The following ARHGEF7 variants were observed in gnomAD, a reference collection of about 807,000 sequenced individuals.
ARHGEF7 encodes Rho guanine nucleotide exchange factor 7.
ARHGEF7 carries 33 observed loss-of-function variants against 109.8 expected under a neutral mutation model. The ratio of observed to expected loss-of-function variants is 0.30; its 90% CI spans 0.23 to 0.40. The LOEUF is 0.40. Among genes scored for constraint, ARHGEF7 ranks in the 10% least tolerant of loss-of-function variants. The pLI, the probability that ARHGEF7 is intolerant of heterozygous loss-of-function variation, is 1.00. For synonymous variants in ARHGEF7, 458 were observed against 424.6 expected (o/e 1.08, Z -0.97); for missense variants, 938 against 1,098.5 (o/e 0.85, Z 2.07).
intron 8 of ARHGEF7, among the ~76,000 whole-genome samples, chr13:111,254,348 G>A (rs919760447): frequency 1.3e-5 from 2 of 152,236 alleles, no homozygotes; most frequent in African/African-American, 4.8e-5. Flanking sequence ...AGTTGTTTGA[G>A]AGGATATGGG....
intron 21 of ARHGEF7, among the ~76,000 whole-genome samples, chr13:111,302,602 C>G (rs2093595161): frequency 6.6e-6 from 1 of 152,218 alleles, no homozygotes; most frequent in South Asian, 2.1e-4. Flanking sequence ...CGCCCACTTG[C>G]TCCTGCACCT....
At chr13:111,161,019 G>A (rs2076700764) in intron 2 of ARHGEF7, among the ~76,000 whole-genome samples, 3 of 152,148 alleles carry the variant, frequency 2.0e-5, no homozygotes, top group South Asian at 4.1e-4. Flanking sequence ...GAAATTCTTT[G>A]AGTACCAATG....
intron 12 of ARHGEF7, chr13:111,275,882 C>A: frequency 1.7e-6 from 1 of 594,068 alleles, no homozygotes; most frequent in Non-Finnish European, 2.9e-6. Flanking sequence ...ACTTGTTGAT[C>A]AGTTTGATCC....
At chr13:111,221,228 TATATAG>T (rs1342580228) in intron 5 of ARHGEF7, among the ~76,000 whole-genome samples, 1 of 57,416 alleles carries the variant, frequency 1.7e-5, no homozygotes, top group Non-Finnish European at 3.3e-5. Flanking sequence ...TATATATATC[TATATAG>T]ATATATATGT....
rs1284161301 is a variant in ARHGEF7 at position 111,217,788 on chromosome 13, C to A, written c.578C>A (p.Thr193Asn). 27 of 1,614,224 alleles carry A rather than the reference C, an allele frequency of 1.7e-5. No individual in the cohort carries two copies. Among genetic ancestry groups the A allele is most frequent in the Non-Finnish European group, 2.3e-5 (27 of 1,180,040 alleles). The change falls in exon 5 of 22, where the codon ACC (threonine) becomes AAC (asparagine). Residue 193 changes from threonine (T) to asparagine (N), a missense_variant. Around this residue, in one of 4 missense-constraint regions of ARHGEF7, gnomAD observed 585 missense variants for 723.6 expected, o/e 0.81. Transcript: ENST00000646102. ...TCAAAAGGAGACGTCATCCATGTCA[C>A]CCGTGTGGAAGAGGGAGGCTGGTGG... Reference protein sequence around the residue: ...SFSKGDVIHVTRVEEGGWWEG... With the variant: ...SFSKGDVIHVNRVEEGGWWEG...
chr13:111,241,872 T>A (rs1395391479), intron 6 of ARHGEF7, among the ~76,000 whole-genome samples: 1 of 152,238 alleles, frequency 6.6e-6, no homozygotes, highest in African/African-American at 2.4e-5. Context: ...GAAAAGGACT[T>A]TTCTGATACG....
At chr13:111,234,471 T>G (rs2086521896) in intron 6 of ARHGEF7, among the ~76,000 whole-genome samples, 1 of 152,212 alleles carries the variant, frequency 6.6e-6, no homozygotes, top group African/African-American at 2.4e-5. Context: ...GGATGCACAG[T>G]GAACAGAATG....
At chr13:111,246,532 A>T (rs1313196871) in intron 8 of ARHGEF7, among the ~76,000 whole-genome samples, 2 of 152,234 alleles carry the variant, frequency 1.3e-5, no homozygotes, top group Non-Finnish European at 2.9e-5. Flanking sequence ...GGAAAGCTGA[A>T]TGCCAGAGTA....
chr13:111,218,849 GA>G (rs1161846915), intron 5 of ARHGEF7, among the ~76,000 whole-genome samples: 6 of 151,950 alleles, frequency 3.9e-5, no homozygotes. Context: ...AAGGTAGCAA[GA>G]AAAAAAGATT....
chr13:111,276,250 G>A (rs1314653062), intron 12 of ARHGEF7, among the ~76,000 whole-genome samples: 5 of 152,134 alleles, frequency 3.3e-5, no homozygotes, highest in South Asian at 4.1e-4. Context: ...CACTGAACAG[G>A]CACCTCTTTC....
At chr13:111,291,535 G>C (rs2093285058) in intron 18 of ARHGEF7, among the ~76,000 whole-genome samples, 1 of 152,244 alleles carries the variant, frequency 6.6e-6, no homozygotes, top group Non-Finnish European at 1.5e-5. Context: ...TCTCACAGTG[G>C]TTATTGATTG....
chr13:111,122,408 C>G (rs1001903348), intron 1 of ARHGEF7, among the ~76,000 whole-genome samples: 1 of 152,304 alleles, frequency 6.6e-6, no homozygotes, highest in East Asian at 1.9e-4. Context: ...CTTCTCCCTC[C>G]TTTATCAGTT....
chr13:111,288,745 C>T (rs1035412344), intron 18 of ARHGEF7, among the ~76,000 whole-genome samples: 4 of 152,162 alleles, frequency 2.6e-5, no homozygotes, highest in East Asian at 1.9e-4. Flanking sequence ...TAAGAGAAGA[C>T]GTGTTTAGAA....
At chr13:111,259,898 A>G (rs1233211197) in intron 8 of ARHGEF7, among the ~76,000 whole-genome samples, 1 of 152,220 alleles carries the variant, frequency 6.6e-6, no homozygotes. Context: ...TCAGAATCCT[A>G]TCAGATAAAT....
At chr13:111,198,776 G>T (rs1294102299) in intron 2 of ARHGEF7, among the ~76,000 whole-genome samples, 1 of 152,208 alleles carries the variant, frequency 6.6e-6, no homozygotes, top group Non-Finnish European at 1.5e-5. Flanking sequence ...TGCTGCTGCT[G>T]GCTTGGGTGG....
At chr13:111,139,204 C>T (rs2075230807) in intron 1 of ARHGEF7, among the ~76,000 whole-genome samples, 1 of 152,168 alleles carries the variant, frequency 6.6e-6, no homozygotes, top group Non-Finnish European at 1.5e-5. Flanking sequence ...GGGAGGGGCT[C>T]AGTGTAGACA....
Position 111,115,631 on chromosome 13 carries a change from GA to G in ARHGEF7, c.107del (p.Lys36ArgfsTer32). ...CGGAGGGCTTTCTGCAGGCGTCGCT[GA>G]AGGATGGGGTGGTCCTCTGCAGGCT... ...DPEGFLQASL[K>X]DGVVLCRLLE... On this transcript the variant is annotated frameshift_variant, in exon 1 of 22. Transcript: ENST00000646102. LOFTEE classifies it high-confidence loss of function. 1 of 1,399,074 alleles carries G rather than the reference GA, an allele frequency of 7.1e-7. No individual in the cohort carries two copies. Among genetic ancestry groups the G allele is most frequent in the Non-Finnish European group, 9.4e-7 (1 of 1,061,266 alleles). The allele number at this position is 1,399,074 out of a possible 1,614,324, so 86.7% of individuals were successfully genotyped here. A position where few individuals can be genotyped will look rare whatever the true frequency, so the allele number is the denominator to read the frequency against.
intron 6 of ARHGEF7, chr13:111,241,099 T>A (rs1005334621): frequency 6.7e-7 from 1 of 1,488,738 alleles, no homozygotes; most frequent in Admixed American, 2.1e-5. Context: ...CACCAGTGTT[T>A]GACTGCACTT....
At chr13:111,160,395 A>G (rs573317706) in intron 2 of ARHGEF7, among the ~76,000 whole-genome samples, 2 of 151,822 alleles carry the variant, frequency 1.3e-5, no homozygotes, top group South Asian at 4.2e-4. Context: ...TGTGAAGAAT[A>G]CCATTGTAAA....
Sources: gnomAD v4.1 joint callset for allele counts (sites outside exome capture counted in the v4.1 genomes callset) on GRCh38, gnomAD v4.1.1 for gene constraint, gnomAD v4.1.1 regional missense constraint, MANE v1.5 for transcripts, NCBI Gene and HGNC (gene_info 2026-07-23, HGNC 2026-07-21) for gene names.